STS: variants seen among roughly 807,000 people sequenced by gnomAD.
The protein encoded by STS is steroid sulfatase.
Under a neutral mutation model 26.8 loss-of-function variants are expected in STS, and 7 were observed. That is an observed-to-expected ratio of 0.26 (90% CI 0.15 to 0.49). The LOEUF is 0.49. Ranked by LOEUF, STS falls within the 20% of genes least tolerant of loss-of-function variation. The pLI, the probability that STS is intolerant of heterozygous loss-of-function variation, is 0.98. For synonymous variants in STS, 199 were observed against 189.4 expected, an observed-to-expected ratio of 1.05 and a Z score of -0.42; for missense variants, 434 against 465.6, an observed-to-expected ratio of 0.93 and a Z score of 0.63.
intron 10 of STS, among the ~76,000 whole-genome samples, chrX:7,336,247 C>CG (rs1569230807): frequency 3.8e-5 from 4 of 104,513 alleles, no homozygotes; most frequent in Non-Finnish European, 3.9e-5. Flanking sequence ...CTGCCCCCCC[C>CG]ACCCGCCCCA....
intron 5 of STS, among the ~76,000 whole-genome samples, chrX:7,258,081 T>C (rs1347945347): frequency 2.3e-4 from 23 of 99,427 alleles, no homozygotes; most frequent in African/African-American, 7.8e-4. Flanking sequence ...GCTAGCTAGA[T>C]AGATAGAGAA....
intron 1 of STS, among the ~76,000 whole-genome samples, chrX:7,162,604 G>A (rs1443817376): frequency 1.8e-5 from 2 of 110,318 alleles, no homozygotes; most frequent in East Asian, 2.9e-4. Flanking sequence ...CTGTTGGTAC[G>A]TGGGGCTGGG....
chrX:7,316,861 T>A (rs1278113386), intron 8 of STS, among the ~76,000 whole-genome samples: 2 of 111,978 alleles, frequency 1.8e-5, no homozygotes, highest in African/African-American at 6.5e-5. Flanking sequence ...CAACGGGGTT[T>A]GCCTCAATTC....
At chrX:7,156,455 T>C (rs1933137729) in intron 1 of STS, among the ~76,000 whole-genome samples, 1 of 111,570 alleles carries the variant, frequency 9.0e-6, no homozygotes, top group Non-Finnish European at 1.9e-5. Flanking sequence ...TATTTTCTTC[T>C]CTTGTGGGCA....
intron 1 of STS, among the ~76,000 whole-genome samples, chrX:7,182,543 C>A (rs1252084565): frequency 9.1e-6 from 1 of 110,365 alleles, no homozygotes; most frequent in Non-Finnish European, 1.9e-5. Context: ...GTTATTGGAG[C>A]GATTGGTGGA....
chrX:7,241,481 T>C (rs1922614888), intron 2 of STS, among the ~76,000 whole-genome samples: 1 of 111,991 alleles, frequency 8.9e-6, no homozygotes. Flanking sequence ...AAAACAAAAA[T>C]TCATTTTTAC....
intron 2 of STS, among the ~76,000 whole-genome samples, chrX:7,247,463 A>G (rs978855558): frequency 9.8e-5 from 11 of 112,018 alleles, no homozygotes; most frequent in African/African-American, 3.6e-4. Flanking sequence ...TTCTCAAAAT[A>G]CTTCACATTC....
At chrX:7,173,625 T>C (rs1933510398) in intron 1 of STS, among the ~76,000 whole-genome samples, 3 of 112,382 alleles carry the variant, frequency 2.7e-5, no homozygotes, top group Non-Finnish European at 5.6e-5. Flanking sequence ...TTTTTAATAA[T>C]TGCCATTCTG....
At chrX:7,195,443 T>A (rs776293775) in intron 2 of STS, among the ~76,000 whole-genome samples, 10 of 112,295 alleles carry the variant, frequency 8.9e-5, no homozygotes, top group Non-Finnish European at 1.7e-4. Flanking sequence ...TGTGGACCTG[T>A]GAATTAGTGC....
At chrX:7,223,222 A>G (rs1220672624) in intron 2 of STS, among the ~76,000 whole-genome samples, 2 of 112,108 alleles carry the variant, frequency 1.8e-5, no homozygotes, top group African/African-American at 3.2e-5. Context: ...AAGTGCAGGT[A>G]TCTTTTTAAT....
intron 2 of STS, among the ~76,000 whole-genome samples, chrX:7,215,426 T>C (rs1414135582): frequency 9.1e-6 from 1 of 110,197 alleles, no homozygotes; most frequent in African/African-American, 3.3e-5. Flanking sequence ...TCACTTCTTG[T>C]GCAATGGGGA....
chrX:7,307,285 C>G (rs1175238939), intron 8 of STS, among the ~76,000 whole-genome samples: 1 of 111,499 alleles, frequency 9.0e-6, no homozygotes, highest in East Asian at 2.8e-4. Flanking sequence ...TCTCTGTGTG[C>G]CATGTTACTT....
At chrX:7,325,059 G>C (rs1253529938) in intron 8 of STS, among the ~76,000 whole-genome samples, 1 of 111,582 alleles carries the variant, frequency 9.0e-6, no homozygotes, top group Non-Finnish European at 1.9e-5. Context: ...TTGAATCTTT[G>C]GTGACTCAAA....
At chrX:7,324,571 G>GCTA (rs1927283426) in intron 8 of STS, among the ~76,000 whole-genome samples, 1 of 111,514 alleles carries the variant, frequency 9.0e-6, no homozygotes, top group South Asian at 3.8e-4. Context: ...CCTGCTATCT[G>GCTA]TCGTGTTGGT....
intron 9 of STS, among the ~76,000 whole-genome samples, chrX:7,330,443 G>T (rs1300191332): frequency 8.0e-5 from 9 of 112,271 alleles, no homozygotes; most frequent in Non-Finnish European, 3.8e-5. Flanking sequence ...GAAACAGAGT[G>T]CTGGCAACCT....
chrX:7,216,237 G>A (rs1676702898), intron 2 of STS, among the ~76,000 whole-genome samples: 1 of 111,765 alleles, frequency 8.9e-6, no homozygotes, highest in African/African-American at 3.3e-5. Flanking sequence ...TAAGTGACAT[G>A]TGGCTTCCAA....
intron 1 of STS, among the ~76,000 whole-genome samples, chrX:7,190,280 T>C (rs1933849063): frequency 9.1e-6 from 1 of 109,807 alleles, no homozygotes; most frequent in Non-Finnish European, 1.9e-5. Flanking sequence ...AACCTAGATC[T>C]CTCGCATTTG....
chrX:7,311,229 T>C (rs2147146042), intron 8 of STS, among the ~76,000 whole-genome samples: 1 of 110,959 alleles, frequency 9.0e-6, no homozygotes, highest in East Asian at 2.9e-4. Context: ...TCCCTAATTC[T>C]TTGTTCTCAC....
intron 1 of STS, among the ~76,000 whole-genome samples, chrX:7,166,553 A>T (rs1165244010): frequency 1.8e-5 from 2 of 111,941 alleles, no homozygotes; most frequent in Non-Finnish European, 3.8e-5. Flanking sequence ...TACTAAGTAG[A>T]CACCACAGTT....
Sources: gnomAD v4.1 joint callset for allele counts (sites outside exome capture counted in the v4.1 genomes callset) on GRCh38, gnomAD v4.1.1 for gene constraint, MANE v1.5 for transcripts, NCBI Gene and HGNC (gene_info 2026-07-23, HGNC 2026-07-21) for gene names.